The following XPNPEP3 variants were observed in gnomAD, a reference collection of about 807,000 sequenced individuals.
XPNPEP3 encodes the protein X-prolyl aminopeptidase 3.
A neutral mutation model predicts 60.0 loss-of-function variants in XPNPEP3; 41 were observed. That is an observed-to-expected ratio of 0.68 (90% CI 0.53 to 0.89). The LOEUF is 0.89. XPNPEP3 is among the 40% of genes least tolerant of loss of function. XPNPEP3 has a pLI of 0.00. For synonymous variants in XPNPEP3, 212 were observed against 223.2 expected (o/e 0.95, Z 0.45); for missense variants, 598 against 638.9 (o/e 0.94, Z 0.69).
chr22:40,860,736 T>G (rs966458046), intron 1 of XPNPEP3: 5 of 830,172 alleles, frequency 6.0e-6, no homozygotes, highest in Non-Finnish European at 7.4e-6. Flanking sequence ...CACTGCAACC[T>G]ATGTCTTCCA....
intron 9 of XPNPEP3, among the ~76,000 whole-genome samples, chr22:40,925,956 T>A (rs527488006): frequency 3.9e-5 from 6 of 152,326 alleles, no homozygotes; most frequent in Admixed American, 3.9e-4. Flanking sequence ...TTAAGTAACT[T>A]TATTGGCCTG....
At chr22:40,919,257 A>G (rs2058207510) in intron 7 of XPNPEP3, among the ~76,000 whole-genome samples, 1 of 152,136 alleles carries the variant, frequency 6.6e-6, no homozygotes, top group African/African-American at 2.4e-5. Flanking sequence ...GGAAGAATAG[A>G]AGTACATTGT....
chr22:40,862,652 T>A, intron 1 of XPNPEP3: 1 of 985,480 alleles, frequency 1.0e-6, no homozygotes, highest in South Asian at 4.7e-5. Context: ...GGAAGTAGCC[T>A]GATATGTTAA....
At chr22:40,898,411 G>A (rs1340357439) in intron 4 of XPNPEP3, among the ~76,000 whole-genome samples, 3 of 138,292 alleles carry the variant, frequency 2.2e-5, no homozygotes, top group South Asian at 2.2e-4. Flanking sequence ...CCGCCACCGC[G>A]CCCGGCTAAT....
At position 40,886,441 on chromosome 22, in the gene XPNPEP3, A is replaced by T. The variant is rs137859412; in HGVS notation, c.718A>T (p.Ile240Leu). The T allele has an allele frequency of 8.9e-5, 143 of 1,614,032 alleles. No homozygotes were observed. Among genetic ancestry groups the T allele is most frequent in the African/African-American group, 1.3e-5 (1 of 74,920 alleles). Residue 240 changes from isoleucine to leucine, a missense_variant, in exon 4 of 10, where the codon ATA becomes TTA. Transcript: ENST00000357137. ...KNKVRGVQQL[I>L]QRLRLIKSPA... ...CAAGGTTCGGGGTGTTCAGCAGCTG[A>T]TACAGCGCCTCCGGCTGATCAAGTC...
Position 40,922,755 on chromosome 22 carries a change from T to TAC in XPNPEP3, c.1236+250_1236+251dup, listed in dbSNP as rs2058221476. Among the ~76,000 whole-genome samples, 5 of 150,872 alleles carry TAC rather than the reference T, an allele frequency of 3.3e-5. No individual in the cohort carries two copies. The South Asian group carries it at 1.0e-3, about 31-fold the overall frequency. ...ACACACACACACACACATATATATA[T>TAC]ACACACACATACGTAGATATATATA... On this transcript the variant is annotated intron_variant, in intron 8 of 9. Transcript: ENST00000357137.
intron 9 of XPNPEP3, 148 bp downstream of exon 9, chr22:40,924,630 C>T (rs1320555188): frequency 1.7e-6 from 2 of 1,198,654 alleles, no homozygotes; most frequent in South Asian, 1.3e-5. Flanking sequence ...TTCAGCAATT[C>T]TCCTGCCTCA....
At chr22:40,908,545 A>G (rs1340180560) in intron 5 of XPNPEP3, among the ~76,000 whole-genome samples, 1 of 152,126 alleles carries the variant, frequency 6.6e-6, no homozygotes, top group East Asian at 1.9e-4. Context: ...AGTGCTGTAG[A>G]TAGTAGCAGA....
At chr22:40,911,676 T>C (rs1389748722) in intron 6 of XPNPEP3, among the ~76,000 whole-genome samples, 1 of 151,986 alleles carries the variant, frequency 6.6e-6, no homozygotes, top group Non-Finnish European at 1.5e-5. Flanking sequence ...CCTGAGTAGG[T>C]GGGATTACAG....
chr22:40,907,369 C>T (rs963200980), intron 4 of XPNPEP3, among the ~76,000 whole-genome samples: 5 of 151,844 alleles, frequency 3.3e-5, no homozygotes, highest in South Asian at 2.1e-4. Flanking sequence ...TGCAGTGAGC[C>T]GAGATCGCGC....
chr22:40,863,854 T>G (rs2145769899), intron 1 of XPNPEP3, among the ~76,000 whole-genome samples: 1 of 152,362 alleles, frequency 6.6e-6, no homozygotes, highest in Non-Finnish European at 1.5e-5. Flanking sequence ...ATCTGATTTT[T>G]AAACTTGAGT....
At chr22:40,897,918 T>A (rs1186779679) in intron 4 of XPNPEP3, among the ~76,000 whole-genome samples, 2 of 152,166 alleles carry the variant, frequency 1.3e-5, no homozygotes, top group African/African-American at 4.8e-5. Context: ...CCTTTGCCCA[T>A]TTTTTAAATT....
At chr22:40,923,747 G>A (rs911484134) in intron 8 of XPNPEP3, among the ~76,000 whole-genome samples, 1 of 152,126 alleles carries the variant, frequency 6.6e-6, no homozygotes, top group Non-Finnish European at 1.5e-5. Context: ...GGCTATTTGG[G>A]AGGCTGAGGT....
chr22:40,859,343 TTGAG>T lies in XPNPEP3; in HGVS notation c.64+2100_64+2103del, dbSNP rs1322788880. 2.6e-5 allele frequency among the ~76,000 whole-genome samples: 4 copies of T among 152,328 alleles called. 1 individual carries two copies. Among genetic ancestry groups the T allele is most frequent in the Admixed American group, 6.5e-5 (1 of 15,292 alleles). ...GAAAACTTTGAGGAATTTTAAGCTA[TTGAG>T]TAAGATGATTAAATCTAAATTTTTG... On this transcript the variant is annotated intron_variant, in intron 1 of 9. Transcript: ENST00000357137.
chr22:40,900,949 T>C (rs1160123243), intron 4 of XPNPEP3, among the ~76,000 whole-genome samples: 1 of 151,416 alleles, frequency 6.6e-6, no homozygotes, highest in Non-Finnish European at 1.5e-5. Flanking sequence ...ATAATGATCT[T>C]AAAAAATAAT....
intron 1 of XPNPEP3, chr22:40,861,937 T>G (rs1367753843): frequency 5.6e-6 from 9 of 1,613,140 alleles, no homozygotes; most frequent in Non-Finnish European, 7.6e-6. Context: ...TAAGCTTTTT[T>G]AATGTCCTCA....
intron 4 of XPNPEP3, among the ~76,000 whole-genome samples, chr22:40,900,305 A>AG (rs1055317585): frequency 1.4e-5 from 2 of 147,932 alleles, no homozygotes; most frequent in African/African-American, 4.9e-5. Context: ...AAACAGCCTT[A>AG]GGAAAAAAAA....
At chr22:40,921,716 G>A (rs372039322) in intron 7 of XPNPEP3, among the ~76,000 whole-genome samples, 5 of 152,170 alleles carry the variant, frequency 3.3e-5, no homozygotes, top group African/African-American at 1.2e-4. Context: ...ATATATTAGA[G>A]TAGAATTATA....
rs1179192058 is a variant in XPNPEP3 at position 40,925,490 on chromosome 22, T to A, written c.1358-779T>A. Among the ~76,000 whole-genome samples, 3 of 152,358 alleles carry A rather than the reference T, an allele frequency of 2.0e-5. No homozygotes were observed. In the East Asian group the frequency reaches 5.8e-4, roughly 29 times the overall value. On this transcript the variant is annotated intron_variant, in intron 9 of 9. Transcript: ENST00000357137. ...ACATTGCTATCTGTGGCCATAGATA[T>A]ATCATTTAGTTCAATCTGTTTGGTA...
Sources: gnomAD v4.1 joint callset for allele counts (sites outside exome capture counted in the v4.1 genomes callset) on GRCh38, gnomAD v4.1.1 for gene constraint, MANE v1.5 for transcripts, NCBI Gene and HGNC (gene_info 2026-07-23, HGNC 2026-07-21) for gene names.